The following TTLL5 variants were observed in gnomAD, a reference collection of about 807,000 sequenced individuals.
TTLL5 encodes tubulin polyglutamylase TTLL5.
A neutral mutation model predicts 168.4 loss-of-function variants in TTLL5; 132 were observed. That is an observed-to-expected ratio of 0.78 (90% CI 0.68 to 0.91). The LOEUF (loss-of-function observed/expected upper bound fraction) is 0.91. Among genes scored for constraint, TTLL5 ranks in the 40% least tolerant of loss-of-function variants. The probability of loss-of-function intolerance (pLI) is 0.00; values close to 1 mark genes in which losing one functional copy is unlikely to be tolerated. For missense variants in TTLL5, 1,545 were observed against 1,581.5 expected (o/e 0.98, Z 0.39); for synonymous variants, 546 against 558.6 (o/e 0.98, Z 0.32).
At chr14:75,867,064 T>C (rs945872746) in intron 29 of TTLL5, among the ~76,000 whole-genome samples, 9 of 152,222 alleles carry the variant, frequency 5.9e-5, no homozygotes, top group Non-Finnish European at 1.2e-4. Context: ...AGCAAACTTT[T>C]TCTGTAAATA....
At chr14:75,902,300 C>A in intron 31 of TTLL5, 76 bp downstream of exon 31, 2 of 1,433,346 alleles carry the variant, frequency 1.4e-6, no homozygotes, top group Non-Finnish European at 1.9e-6. Flanking sequence ...CTCTCTTCTG[C>A]CTCCAAAGAG....
intron 28 of TTLL5, among the ~76,000 whole-genome samples, chr14:75,845,892 G>T (rs1896518053): frequency 6.6e-6 from 1 of 152,088 alleles, no homozygotes; most frequent in Non-Finnish European, 1.5e-5. Context: ...TTTTTTTGGT[G>T]ATAGCGTACA....
intron 28 of TTLL5, among the ~76,000 whole-genome samples, chr14:75,853,742 A>G (rs1896992754): frequency 6.6e-6 from 1 of 152,206 alleles, no homozygotes; most frequent in African/African-American, 2.4e-5. Context: ...AATTATGTAA[A>G]CTAAAAAATC....
intron 29 of TTLL5, among the ~76,000 whole-genome samples, chr14:75,871,565 TAA>T (rs60974706): frequency 4.4e-5 from 6 of 137,778 alleles, no homozygotes; most frequent in African/African-American, 2.6e-5. Context: ...CACAAATCTT[TAA>T]AAAAAAAAAA....
At chr14:75,776,592 C>T (rs557003041) in intron 22 of TTLL5, 155 bp from the exon 23 acceptor site, 91 of 476,774 alleles carry the variant, frequency 1.9e-4, no homozygotes, top group African/African-American at 1.7e-3. Context: ...AGTAATATGT[C>T]AAATTTATAG....
At chr14:75,717,089 A>T (rs1039148061) in intron 9 of TTLL5, among the ~76,000 whole-genome samples, 19 of 147,192 alleles carry the variant, frequency 1.3e-4, no homozygotes, top group African/African-American at 4.5e-4. Flanking sequence ...CTTTTTGCTT[A>T]TTTTTTTTTT....
intron 31 of TTLL5, among the ~76,000 whole-genome samples, chr14:75,923,434 A>G (rs975810318): frequency 4.3e-4 from 65 of 152,220 alleles, no homozygotes; most frequent in African/African-American, 1.4e-3. Context: ...GGTTTCAAAG[A>G]ACATCTTTAT....
rs536854437 is a variant in TTLL5, at chr14:75,723,776, C to T, written c.1042+3073C>T. Among the ~76,000 whole-genome samples, 347 of 152,200 alleles carry T rather than the reference C, an allele frequency of 2.3e-3. 1 individual carries two copies. The highest frequency in any genetic ancestry group is 8.1e-3 in the African/African-American group (338 of 41,524). ...CATCAGCCATGGGTCTCCTTTCTTC[C>T]TCCCTACTTGTGTTCAGTTTTAATA... On this transcript the variant is annotated intron_variant, in intron 12 of 31. Transcript: ENST00000298832.
At chr14:75,874,983 G>C (rs1391537501) in intron 29 of TTLL5, among the ~76,000 whole-genome samples, 1 of 132,168 alleles carries the variant, frequency 7.6e-6, no homozygotes, top group African/African-American at 3.2e-5. Flanking sequence ...ACCCAGGCTG[G>C]AGTGCAGTGG....
chr14:75,688,090 G>C (rs117054093), intron 5 of TTLL5, among the ~76,000 whole-genome samples: 1 of 152,278 alleles, frequency 6.6e-6, no homozygotes, highest in East Asian at 1.9e-4. Context: ...AATCTCCAGA[G>C]TGAGAAGTGT....
chr14:75,684,326 A>C (rs1884865195), intron 5 of TTLL5: 1 of 152,152 alleles, frequency 6.6e-6, no homozygotes, highest in African/African-American at 2.4e-5. Flanking sequence ...CTAGAATCTT[A>C]GTCTGGTATA....
At position 75,825,418 on chromosome 14, in the gene TTLL5, C is replaced by G. The variant is rs534796938; in HGVS notation, c.3326+5257C>G. 1.2e-3 allele frequency among the ~76,000 whole-genome samples: 186 copies of G among 152,176 alleles called. 3 individuals are homozygous for G. The highest frequency in any genetic ancestry group is 4.2e-3 in the African/African-American group (175 of 41,520). On this transcript the variant is annotated intron_variant, in intron 28 of 31. Transcript: ENST00000298832. Reference sequence around the variant, plus strand: ...GAGACTCTTCCTTTTTCTTTGACCCCTTGGTTGGAGGTCAGCTTCTTTCTA... The same window carrying G: ...GAGACTCTTCCTTTTTCTTTGACCCGTTGGTTGGAGGTCAGCTTCTTTCTA...
chr14:75,753,345 G>A (rs956774508), intron 18 of TTLL5, among the ~76,000 whole-genome samples: 3 of 152,042 alleles, frequency 2.0e-5, no homozygotes, highest in Non-Finnish European at 2.9e-5. Context: ...GAGGTAATTC[G>A]TAAAATAAAT....
At chr14:75,772,501 T>A (rs1413301817) in intron 21 of TTLL5, among the ~76,000 whole-genome samples, 2 of 152,194 alleles carry the variant, frequency 1.3e-5, no homozygotes, top group Non-Finnish European at 2.9e-5. Context: ...ATTCTTAGAT[T>A]GCTAGAATCA....
intron 5 of TTLL5, among the ~76,000 whole-genome samples, chr14:75,685,246 G>A (rs900716387): frequency 6.6e-6 from 1 of 151,876 alleles, no homozygotes; most frequent in Non-Finnish European, 1.5e-5. Context: ...AGCTGGGCAT[G>A]GTGGCATGTG....
In TTLL5 at chr14:75,828,377, T is replaced by C. The variant is rs1051593700; in HGVS notation, c.3326+8216T>C. ...CGAGAATGAAGACCTTTATGCTGATTCACTTCTGCTTAATGAATAGTAAAT... is the reference window on the plus strand; with the variant it reads ...CGAGAATGAAGACCTTTATGCTGATCCACTTCTGCTTAATGAATAGTAAAT... On this transcript the variant is annotated intron_variant, in intron 28 of 31. Transcript: ENST00000298832. Among the ~76,000 whole-genome samples the C allele has an allele frequency of 2.9e-5, 4 of 137,734 alleles. 1 individual carries two copies. Among genetic ancestry groups the C allele is most frequent in the African/African-American group, 1.1e-4 (4 of 36,050 alleles). 90.4% of individuals were successfully genotyped at this position (137,734 alleles called of 152,430 possible).
In TTLL5 at chr14:75,783,147, G is replaced by T; in HGVS notation, c.2603G>T (p.Arg868Leu). ...TCTTGTTTTGTTTTGTTTTTAATAGGATTTACCACTTCAGCAGAAAAAGAG... is the reference window on the plus strand; with the variant it reads ...TCTTGTTTTGTTTTGTTTTTAATAGTATTTACCACTTCAGCAGAAAAAGAG... ...TTEIHSDKLS[R>L]FTTSAEKEAK... Residue 868 changes from arginine to leucine, a missense_variant and splice_region_variant, in exon 26 of 32, where the codon CGA (arginine) becomes CTA (leucine). Arg to Leu is a moderately radical substitution (Grantham distance 102). Transcript: ENST00000298832. 1 of 1,604,536 alleles carries T rather than the reference G, an allele frequency of 6.2e-7. No individual in the cohort carries two copies. The highest frequency in any genetic ancestry group is 8.5e-7 in the Non-Finnish European group (1 of 1,177,940).
intron 15 of TTLL5, chr14:75,744,712 G>C (rs1350562742): frequency 6.4e-6 from 1 of 157,184 alleles, no homozygotes; most frequent in Non-Finnish European, 1.4e-5. Context: ...TATACCCACT[G>C]AAATAAATAC....
intron 16 of TTLL5, 109 bp from the exon 17 acceptor site, chr14:75,745,381 C>T: frequency 2.4e-6 from 3 of 1,256,036 alleles, no homozygotes; most frequent in Admixed American, 2.0e-5. Context: ...TAATTTCTCC[C>T]TTCATGCTAC....
Sources: allele counts gnomAD v4.1 joint callset (sites outside exome capture counted in the v4.1 genomes callset), GRCh38; gene constraint gnomAD v4.1.1; transcripts MANE v1.5; gene names NCBI Gene and HGNC (gene_info 2026-07-23, HGNC 2026-07-21).